Variants in TEX52 observed in about 807,000 individuals in gnomAD.
TEX52 encodes testis expressed 52.
TEX52 carries 22 observed loss-of-function variants against 17.6 expected under a neutral mutation model. That is an observed-to-expected ratio of 1.25 (90% CI 0.89 to 1.78). The LOEUF is 1.78. Ranked by LOEUF, TEX52 falls within the 40% of genes most tolerant of loss-of-function variation. The pLI is 0.00. For missense variants in TEX52, 396 were observed against 372.3 expected (o/e 1.06, Z -0.52); for synonymous variants, 168 against 147.4 (o/e 1.14, Z -1.01).
intron 2 of TEX52, 36 bp from the exon 3 acceptor site, chr12:2,849,561 C>G (rs1259358774): frequency 2.0e-6 from 3 of 1,534,636 alleles, no homozygotes; most frequent in Non-Finnish European, 2.6e-6. Context: ...ACAGAGAGAT[C>G]AAAGAAGAGA....
intron 2 of TEX52, among the ~76,000 whole-genome samples, chr12:2,850,892 G>A (rs1041924672): frequency 6.6e-6 from 1 of 150,948 alleles, no homozygotes; most frequent in Non-Finnish European, 1.5e-5. Flanking sequence ...GGCTGGTCTC[G>A]AACTCTTGAC....
At chr12:2,850,381 G>A (rs1341190507) in intron 2 of TEX52, among the ~76,000 whole-genome samples, 4 of 151,310 alleles carry the variant, frequency 2.6e-5, no homozygotes, top group Non-Finnish European at 5.9e-5. Context: ...GGCTGAGGCA[G>A]GAGAATCACT....
chr12:2,852,618 G>T (rs75217614), intron 2 of TEX52, among the ~76,000 whole-genome samples: 21,191 of 151,940 alleles, frequency 0.14, 1,602 homozygotes, highest in South Asian at 0.29. Context: ...TCCCACTTCG[G>T]CCTCCCAAAG....
intron 1 of TEX52, among the ~76,000 whole-genome samples, chr12:2,855,678 C>T (rs528589550): frequency 9.2e-5 from 14 of 152,160 alleles, no homozygotes; most frequent in Non-Finnish European, 1.5e-4. Flanking sequence ...TGCCATTGAC[C>T]ATATTTTGGC....
At chr12:2,854,771 G>T in intron 2 of TEX52, 125 bp downstream of exon 2, 2 of 998,208 alleles carry the variant, frequency 2.0e-6, no homozygotes, top group Non-Finnish European at 2.9e-6. Flanking sequence ...TCAGAAAAGA[G>T]TTTGGTTTTC....
Position 2,849,114 on chromosome 12 carries a change from G to T in TEX52, c.*117C>A. The T allele has an allele frequency of 9.1e-7, 1 of 1,095,384 alleles. No homozygotes were observed. The highest frequency in any genetic ancestry group is 1.3e-6 in the Non-Finnish European group (1 of 788,568). The allele number at this position is 1,095,384 out of a possible 1,614,324, so 67.9% of individuals were successfully genotyped here. On this transcript the variant is annotated 3_prime_UTR_variant, in exon 3 of 3. Coordinates refer to ENST00000637658, the MANE Select transcript of TEX52 (RefSeq NM_001365174.2). ...AGGCTGGGAGGATGGTGGAGAGGCTGTTCTGCAGAAGCCAGAGTCCTTTTG... is the reference window on the plus strand; with the variant it reads ...AGGCTGGGAGGATGGTGGAGAGGCTTTTCTGCAGAAGCCAGAGTCCTTTTG...
chr12:2,853,584 TTG>T, intron 2 of TEX52, among the ~76,000 whole-genome samples: 2 of 151,018 alleles, frequency 1.3e-5, no homozygotes, highest in East Asian at 2.0e-4. Flanking sequence ...GTTTTTTTTG[TTG>T]TTGTTGTTGT....
downstream of TEX52, among the ~76,000 whole-genome samples, chr12:2,847,949 G>C (rs533323034): frequency 7.9e-5 from 12 of 152,272 alleles, no homozygotes; most frequent in South Asian, 2.5e-3. Flanking sequence ...TATGAACACT[G>C]ATTGACAGCT....
At chr12:2,847,881 C>G (rs1233685049), downstream of TEX52, among the ~76,000 whole-genome samples, 1 of 152,210 alleles carries the variant, frequency 6.6e-6, no homozygotes, top group Non-Finnish European at 1.5e-5. Flanking sequence ...TAGCATCTAT[C>G]AATACTCAAT....
chr12:2,853,607 G>T lies in TEX52; in HGVS notation c.623+1289C>A, dbSNP rs1281843911. Among the ~76,000 whole-genome samples, 73 of 145,516 alleles carry T rather than the reference G, an allele frequency of 5.0e-4. 1 individual carries two copies. The highest frequency in any genetic ancestry group is 1.9e-3 in the African/African-American group (73 of 38,880). On this transcript the variant is annotated intron_variant, in intron 2 of 2. Coordinates refer to ENST00000637658, the MANE Select transcript of TEX52 (RefSeq NM_001365174.2). ...TGTTGTTGTTGTTGTTTTTGTTTTT[G>T]TTTTTGTTTTTTTTTCAGATTAAAA...
rs564046619 is a variant in TEX52, at chr12:2,853,570, G to A, written c.623+1326C>T. On this transcript the variant is annotated intron_variant, in intron 2 of 2. Transcript: ENST00000637658. ...TTACAGGCGTGAGCCACCAGGCCCGGCCTGTTTTTTTTGTTGTTGTTGTTG... is the reference window on the plus strand; with the variant it reads ...TTACAGGCGTGAGCCACCAGGCCCGACCTGTTTTTTTTGTTGTTGTTGTTG... Among the ~76,000 whole-genome samples, 4 of 151,990 alleles carry A rather than the reference G, an allele frequency of 2.6e-5. No homozygotes were observed. The South Asian group carries it at 8.3e-4, about 32-fold the overall frequency.
intron 2 of TEX52, among the ~76,000 whole-genome samples, chr12:2,850,771 C>T (rs1314267182): frequency 6.6e-6 from 1 of 151,712 alleles, no homozygotes; most frequent in Non-Finnish European, 1.5e-5. Context: ...CTCCCAGGCT[C>T]AAGTGATTCT....
In TEX52 at chr12:2,855,012, C is replaced by T. The variant is rs1483881995; in HGVS notation, c.507G>A (p.Val169=). 1.3e-6 allele frequency: 2 copies of T among 1,536,068 alleles called. No homozygotes were observed. Among genetic ancestry groups the T allele is most frequent in the East Asian group, 4.9e-5 (2 of 40,910 alleles). The stretch of plus-strand genomic sequence containing the variant: ...TCAACTCCTTCACTGTCCTGAAAAT[C>T]ACCTGCTTCTTCCTTTTCATGTCCA... The part of the protein sequence containing the change: ...TFVDMKRKKQ[V]IFRTVKELKE... The change falls in exon 2 of 3, where the codon GTG becomes GTA. Residue 169 remains valine, a synonymous_variant. Transcript: ENST00000637658.
In TEX52 at chr12:2,849,241, C is replaced by G; in HGVS notation, c.908G>C (p.Gly303Ala). Reference sequence around the variant, plus strand: ...CCTCTGGAAGCCCTTCTAGAAGTGTCCAGGTCTTCTCTTCCTCTTCCTTGC... The same window carrying G: ...CCTCTGGAAGCCCTTCTAGAAGTGTGCAGGTCTTCTCTTCCTCTTCCTTGC... ...SPARKRKRRP[G>A]HF Residue 303 changes from glycine to alanine, a missense_variant, in exon 3 of 3, where the codon GGA (glycine) becomes GCA (alanine). Transcript: ENST00000637658. The G allele has an allele frequency of 1.3e-6, 2 of 1,535,812 alleles. No homozygotes were observed. The highest frequency in any genetic ancestry group is 1.7e-6 in the Non-Finnish European group (2 of 1,146,824).
At chr12:2,848,718 C>G (rs182959344), downstream of TEX52, among the ~76,000 whole-genome samples, 127 of 152,266 alleles carry the variant, frequency 8.3e-4, no homozygotes, top group Middle Eastern at 3.4e-3. Context: ...ATCAAATGGT[C>G]CAGGGAGGGG....
rs1028333648 is a variant in TEX52, at chr12:2,855,102, G to C, written c.417C>G (p.Ile139Met). 2 of 1,535,484 alleles carry C rather than the reference G, an allele frequency of 1.3e-6. No individual in the cohort carries two copies. Among genetic ancestry groups the C allele is most frequent in the Admixed American group, 2.0e-5 (1 of 50,962 alleles). Residue 139 changes from isoleucine to methionine, a missense_variant, in exon 2 of 3, where the codon ATC becomes ATG. By Grantham distance (10) the Ile-to-Met change is conservative (BLOSUM62 1). Transcript: ENST00000637658. ...TTTGCCCCATCCAGGAGGGAGGGGG[G>C]ATGGGGTGCTCCGTGGGGGGGCATC... ...AHRCPPTEHPIPPPSWMGQNS... is the reference protein window; with the variant it reads ...AHRCPPTEHPMPPPSWMGQNS...
chr12:2,855,278 G>GC lies in TEX52; in HGVS notation c.240dup (p.Leu81AlafsTer33). The GC allele has an allele frequency of 8.6e-6, 13 of 1,517,980 alleles. No individual in the cohort carries two copies. Among genetic ancestry groups the GC allele is most frequent in the Non-Finnish European group, 1.1e-5 (13 of 1,133,362 alleles). 94.0% of individuals were successfully genotyped at this position (1,517,980 alleles called of 1,614,324 possible). ...GCGCCACCCTTCCAAGGGTGGATGAGCCGCTGACGCACCTTGGACTTCATA... is the reference window on the plus strand; with the variant it reads ...GCGCCACCCTTCCAAGGGTGGATGAGCCCGCTGACGCACCTTGGACTTCATA... On this transcript the variant is annotated frameshift_variant, in exon 2 of 3. Transcript: ENST00000637658. LOFTEE classifies it high-confidence loss of function.
At chr12:2,848,881 A>ACG (rs1262955751), downstream of TEX52, among the ~76,000 whole-genome samples, 3 of 132,814 alleles carry the variant, frequency 2.3e-5, no homozygotes, top group Non-Finnish European at 5.1e-5. Context: ...ACACACGCAC[A>ACG]CACACACACA....
At chr12:2,855,847 G>C (rs527650820) in intron 1 of TEX52, among the ~76,000 whole-genome samples, 3 of 152,200 alleles carry the variant, frequency 2.0e-5, no homozygotes, top group South Asian at 2.1e-4. Flanking sequence ...CATGCCAAGG[G>C]GGGCAGCCCA....
Sources: allele counts gnomAD v4.1 joint callset (sites outside exome capture counted in the v4.1 genomes callset), GRCh38; gene constraint gnomAD v4.1.1; transcripts MANE v1.5; gene names NCBI Gene and HGNC (gene_info 2026-07-23, HGNC 2026-07-21).